The following GOLM1 variants were observed in gnomAD, a reference collection of about 807,000 sequenced individuals.
GOLM1 encodes epididymis luminal protein 46.
GOLM1 carries 31 observed loss-of-function variants against 50.5 expected under a neutral mutation model. That is an observed-to-expected ratio of 0.61 (90% confidence interval 0.46 to 0.83). The LOEUF (loss-of-function observed/expected upper bound fraction) is 0.83, where lower values mean the gene tolerates loss of function less well. Ranked by LOEUF, GOLM1 falls within the 40% of genes least tolerant of loss-of-function variation. The pLI is 0.00. For missense variants in GOLM1, 491 were observed against 501.3 expected, an observed-to-expected ratio of 0.98 and a Z score of 0.20; for synonymous variants, 178 against 192.8, an observed-to-expected ratio of 0.92 and a Z score of 0.64.
At chr9:86,029,069 G>GGAT (rs1832886447) in intron 9 of GOLM1, among the ~76,000 whole-genome samples, 1 of 151,976 alleles carries the variant, frequency 6.6e-6, no homozygotes, top group South Asian at 2.1e-4. Context: ...CTGTTAGCCA[G>GGAT]GATGATCTCG....
intron 3 of GOLM1, among the ~76,000 whole-genome samples, chr9:86,053,103 CCACACCACA>C (rs558081192): frequency 3.0e-3 from 219 of 72,170 alleles, no homozygotes; most frequent in African/African-American, 0.011. Flanking sequence ...TGCCACAACT[CCACACCACA>C]CACACCACAC....
At chr9:86,083,978 C>T (rs763938008) in intron 1 of GOLM1, among the ~76,000 whole-genome samples, 4 of 152,162 alleles carry the variant, frequency 2.6e-5, no homozygotes, top group Non-Finnish European at 4.4e-5. Flanking sequence ...TTTGAGCATG[C>T]GGTGCTGTCC....
At chr9:86,033,504 T>C (rs1833044774) in intron 8 of GOLM1, 109 bp from the exon 9 acceptor site, 3 of 687,238 alleles carry the variant, frequency 4.4e-6, no homozygotes, top group East Asian at 2.7e-5. Flanking sequence ...CAATCAGATC[T>C]GTCTGCTGCC....
intron 1 of GOLM1, among the ~76,000 whole-genome samples, chr9:86,092,595 C>T (rs181497170): frequency 6.4e-4 from 98 of 152,344 alleles, no homozygotes; most frequent in African/African-American, 2.1e-3. Flanking sequence ...CTAGACAGCA[C>T]TCTTAGGAGA....
At chr9:86,053,691 C>T (rs796499381) in intron 3 of GOLM1, among the ~76,000 whole-genome samples, 1 of 105,002 alleles carries the variant, frequency 9.5e-6, no homozygotes, top group Non-Finnish European at 1.9e-5. Flanking sequence ...TCCACACACA[C>T]CACACACATC....
chr9:86,035,228 C>A, intron 8 of GOLM1, 140 bp downstream of exon 8: 1 of 1,517,804 alleles, frequency 6.6e-7, no homozygotes, highest in Non-Finnish European at 8.8e-7. Context: ...AAGAAACCTT[C>A]AAACGAAAAG....
At chr9:86,053,646 C>A (rs1164905852) in intron 3 of GOLM1, among the ~76,000 whole-genome samples, 1 of 129,468 alleles carries the variant, frequency 7.7e-6, no homozygotes, top group African/African-American at 3.3e-5. Context: ...ACACACACCA[C>A]ACCATGCTAC....
chr9:86,050,897 T>C (rs1245282766), intron 4 of GOLM1, among the ~76,000 whole-genome samples: 1 of 152,206 alleles, frequency 6.6e-6, no homozygotes, highest in Admixed American at 6.5e-5. Flanking sequence ...ATTTCTTGCC[T>C]TCTGCTGGCT....
At chr9:86,061,832 G>T (rs893526859) in intron 3 of GOLM1, among the ~76,000 whole-genome samples, 1 of 152,144 alleles carries the variant, frequency 6.6e-6, no homozygotes, top group Non-Finnish European at 1.5e-5. Context: ...AGTGGCTAAA[G>T]GTTTAGGGGA....
At chr9:86,070,513 G>A (rs976569595) in intron 3 of GOLM1, among the ~76,000 whole-genome samples, 2 of 151,730 alleles carry the variant, frequency 1.3e-5, no homozygotes, top group African/African-American at 4.8e-5. Flanking sequence ...GGAGGTTGCA[G>A]TGAGCTGAGA....
chr9:86,048,867 C>T (rs1221029471), intron 4 of GOLM1, among the ~76,000 whole-genome samples: 3 of 152,290 alleles, frequency 2.0e-5, no homozygotes, highest in Non-Finnish European at 2.9e-5. Context: ...TGTGCAGAAG[C>T]TCTTTAGTTT....
chr9:86,065,766 G>C (rs1213837862), intron 3 of GOLM1, among the ~76,000 whole-genome samples: 7 of 152,202 alleles, frequency 4.6e-5, no homozygotes, highest in Non-Finnish European at 7.3e-5. Context: ...GTCGGGCTGG[G>C]TGCGGTGGCA....
intron 1 of GOLM1, among the ~76,000 whole-genome samples, chr9:86,092,875 C>T (rs144015958): frequency 7.9e-5 from 12 of 152,224 alleles, no homozygotes; most frequent in African/African-American, 2.6e-4. Flanking sequence ...ATTTGGATTG[C>T]GGATGAGATG....
intron 1 of GOLM1, among the ~76,000 whole-genome samples, chr9:86,084,733 G>T (rs1385934611): frequency 2.0e-5 from 3 of 152,232 alleles, no homozygotes; most frequent in Non-Finnish European, 2.9e-5. Flanking sequence ...GAACCTTCTA[G>T]TTAAATATTA....
At chr9:86,054,843 C>T (rs1833940181) in intron 3 of GOLM1, among the ~76,000 whole-genome samples, 1 of 152,234 alleles carries the variant, frequency 6.6e-6, no homozygotes, top group Admixed American at 6.5e-5. Context: ...CACAGACAGA[C>T]ACATACAGCA....
intron 1 of GOLM1, among the ~76,000 whole-genome samples, chr9:86,095,120 C>G (rs925918761): frequency 6.6e-6 from 1 of 151,856 alleles, no homozygotes; most frequent in African/African-American, 2.4e-5. Flanking sequence ...AAGAATACAT[C>G]TCAGTAGGAG....
intron 1 of GOLM1, among the ~76,000 whole-genome samples, 151 bp downstream of exon 1, chr9:86,099,260 C>T (rs1054598653): frequency 1.3e-5 from 2 of 151,996 alleles, no homozygotes; most frequent in Non-Finnish European, 2.9e-5. Context: ...CCGAGCGCAG[C>T]CAGCGAAGGT....
At chr9:86,035,652 A>T in intron 7 of GOLM1, 27 bp from the exon 8 acceptor site, 1 of 1,193,728 alleles carries the variant, frequency 8.4e-7, no homozygotes. Context: ...GTTAGCTGTG[A>T]CCTTGCCAGC....
intron 3 of GOLM1, among the ~76,000 whole-genome samples, chr9:86,064,678 A>C (rs1185233797): frequency 6.6e-6 from 1 of 151,936 alleles, no homozygotes; most frequent in Non-Finnish European, 1.5e-5. Flanking sequence ...AACTCCTTCA[A>C]ACTCAAGTCC....
Sources: allele counts gnomAD v4.1 joint callset (sites outside exome capture counted in the v4.1 genomes callset), GRCh38; gene constraint gnomAD v4.1.1; transcripts MANE v1.5; gene names NCBI Gene and HGNC (gene_info 2026-07-23, HGNC 2026-07-21).